The following ETV6 variants were observed in gnomAD, a reference collection of about 807,000 sequenced individuals.
ETV6 encodes ETS variant transcription factor 6.
A neutral mutation model predicts 51.1 loss-of-function variants in ETV6; 16 were observed. That is an observed-to-expected ratio of 0.31 (90% CI 0.21 to 0.48). The LOEUF (loss-of-function observed/expected upper bound fraction) is 0.48. ETV6 is among the 20% of genes least tolerant of loss of function. The pLI, the probability that ETV6 is intolerant of heterozygous loss-of-function variation, is 0.99. For synonymous variants in ETV6, 240 were observed against 224.1 expected, an observed-to-expected ratio of 1.07 and a Z score of -0.64; for missense variants, 458 against 594.8, an observed-to-expected ratio of 0.77 and a Z score of 2.39.
intron 1 of ETV6, among the ~76,000 whole-genome samples, chr12:11,741,942 G>T (rs970299009): frequency 6.6e-6 from 1 of 152,180 alleles, no homozygotes; most frequent in East Asian, 1.9e-4. Context: ...GATTTACTTG[G>T]CTATTGGGAT....
intron 1 of ETV6, among the ~76,000 whole-genome samples, chr12:11,667,285 A>G (rs1288224230): frequency 1.3e-5 from 2 of 152,182 alleles, no homozygotes; most frequent in Non-Finnish European, 2.9e-5. Context: ...CATGAATGCT[A>G]CCAGAACCCT....
chr12:11,650,351 C>G (rs904032718), intron 1 of ETV6, among the ~76,000 whole-genome samples, 191 bp downstream of exon 1: 6 of 148,972 alleles, frequency 4.0e-5, no homozygotes, highest in African/African-American at 1.5e-4. Context: ...TACTCCCCCC[C>G]ACCGCCGAGC....
intron 2 of ETV6, among the ~76,000 whole-genome samples, chr12:11,788,876 A>G (rs891441591): frequency 1.3e-5 from 2 of 150,586 alleles, no homozygotes; most frequent in Admixed American, 6.7e-5. Flanking sequence ...TCGTAATCAT[A>G]ATTTTGGACA....
chr12:11,763,728 G>T (rs1401790518), intron 2 of ETV6, among the ~76,000 whole-genome samples: 1 of 152,220 alleles, frequency 6.6e-6, no homozygotes, highest in African/African-American at 2.4e-5. Context: ...CCACCCCAGT[G>T]ATCGGGGAAA....
At chr12:11,708,363 G>C (rs1865111255) in intron 1 of ETV6, among the ~76,000 whole-genome samples, 1 of 152,116 alleles carries the variant, frequency 6.6e-6, no homozygotes, top group Admixed American at 6.5e-5. Flanking sequence ...CTAAGGTATT[G>C]AACAGACTGG....
chr12:11,786,574 G>A (rs1033271255), intron 2 of ETV6, among the ~76,000 whole-genome samples: 1 of 152,058 alleles, frequency 6.6e-6, no homozygotes, highest in Non-Finnish European at 1.5e-5. Context: ...TTAATGTGCG[G>A]GATTTAAGTT....
chr12:11,660,054 G>T (rs1864071657), intron 1 of ETV6, among the ~76,000 whole-genome samples: 1 of 152,170 alleles, frequency 6.6e-6, no homozygotes, highest in Non-Finnish European at 1.5e-5. Flanking sequence ...ATAACTAGAA[G>T]AATTGTACTG....
chr12:11,760,626 A>T (rs964907325), intron 2 of ETV6, among the ~76,000 whole-genome samples: 1 of 152,226 alleles, frequency 6.6e-6, no homozygotes, highest in Non-Finnish European at 1.5e-5. Context: ...CCAGCAATTT[A>T]TGGAGCTCTG....
intron 2 of ETV6, among the ~76,000 whole-genome samples, chr12:11,783,924 C>T (rs903829027): frequency 6.6e-6 from 1 of 152,002 alleles, no homozygotes. Context: ...TGGGAGAGTG[C>T]CTGATTGAGC....
chr12:11,880,387 G>A (rs963687001), intron 5 of ETV6, among the ~76,000 whole-genome samples: 3 of 152,156 alleles, frequency 2.0e-5, no homozygotes, highest in East Asian at 1.9e-4. Flanking sequence ...ATAGGGAAAC[G>A]GTGTTCTCTG....
chr12:11,673,125 G>T (rs11054412), intron 1 of ETV6, among the ~76,000 whole-genome samples: 3,876 of 152,284 alleles, frequency 0.025, 175 homozygotes, highest in African/African-American at 0.088. Context: ...CAGGGCTCTC[G>T]CAGCGGGCCA....
chr12:11,873,484 C>CA lies in ETV6; in HGVS notation c.1009+3515_1009+3516insA, dbSNP rs1591739365. Among the ~76,000 whole-genome samples the CA allele has an allele frequency of 1.8e-3, 209 of 116,044 alleles. 25 individuals are homozygous for CA. Among genetic ancestry groups the CA allele is most frequent in the East Asian group, 6.5e-3 (12 of 1,846 alleles). The allele number at this position is 116,044 out of a possible 152,430, so 76.1% of individuals were successfully genotyped here. ...AAGCCTTTAAATCTCCGTAAAGCAG[C>CA]TGTTAGATGAGAAAACTTAGTTCCT... On this transcript the variant is annotated intron_variant, in intron 5 of 7. Coordinates refer to ENST00000396373, the MANE Select transcript of ETV6 (RefSeq NM_001987.5).
intron 2 of ETV6, among the ~76,000 whole-genome samples, chr12:11,756,723 G>T (rs1298144814): frequency 2.0e-5 from 3 of 152,232 alleles, no homozygotes; most frequent in East Asian, 3.9e-4. Flanking sequence ...ACTCATGGGG[G>T]AGTGGCTGCT....
At chr12:11,773,950 C>G (rs1376301374) in intron 2 of ETV6, among the ~76,000 whole-genome samples, 1 of 152,180 alleles carries the variant, frequency 6.6e-6, no homozygotes, top group Non-Finnish European at 1.5e-5. Flanking sequence ...CTGCCCTCCT[C>G]CGTCTCCTGG....
intron 2 of ETV6, among the ~76,000 whole-genome samples, chr12:11,809,606 T>C (rs775157348): frequency 7.9e-5 from 12 of 152,170 alleles, no homozygotes; most frequent in Non-Finnish European, 8.8e-5. Flanking sequence ...AGCCAGGAGA[T>C]ACATACTTGA....
chr12:11,856,355 G>T (rs1946633035), intron 4 of ETV6, among the ~76,000 whole-genome samples: 3 of 152,202 alleles, frequency 2.0e-5, no homozygotes, highest in South Asian at 4.1e-4. Context: ...AGACCAGTTA[G>T]CTCTGCTTCA....
intron 3 of ETV6, among the ~76,000 whole-genome samples, chr12:11,844,071 T>C (rs912577485): frequency 1.3e-5 from 2 of 151,880 alleles, no homozygotes; most frequent in East Asian, 3.8e-4. Flanking sequence ...AGAGAGGTAT[T>C]TGAGTACTTG....
intron 1 of ETV6, among the ~76,000 whole-genome samples, chr12:11,708,145 C>T (rs1337914289): frequency 6.6e-6 from 1 of 151,914 alleles, no homozygotes; most frequent in East Asian, 1.9e-4. Flanking sequence ...AGAGAGTTCT[C>T]ACTACCACAT....
chr12:11,876,685 C>G (rs766496242), intron 5 of ETV6, among the ~76,000 whole-genome samples: 2 of 152,130 alleles, frequency 1.3e-5, no homozygotes, highest in African/African-American at 2.4e-5. Flanking sequence ...TACAGATTTA[C>G]GTGTTCAAAG....
Sources: gnomAD v4.1 joint callset for allele counts (sites outside exome capture counted in the v4.1 genomes callset) on GRCh38, gnomAD v4.1.1 for gene constraint, MANE v1.5 for transcripts, NCBI Gene and HGNC (gene_info 2026-07-23, HGNC 2026-07-21) for gene names.